The following C2orf76 variants were observed in gnomAD, a reference collection of about 807,000 sequenced individuals.
The protein encoded by C2orf76 is UPF0538 protein C2orf76.
A neutral mutation model predicts 16.9 loss-of-function variants in C2orf76; 23 were observed. The ratio of observed to expected loss-of-function variants is 1.36; its 90% CI spans 0.98 to 1.93. C2orf76 has a LOEUF of 1.93. C2orf76 is among the 30% of genes most tolerant of loss of function. The pLI, the probability that C2orf76 is intolerant of heterozygous loss-of-function variation, is 0.00. For synonymous variants in C2orf76, 48 were observed against 52.3 expected (o/e 0.92, Z 0.35); for missense variants, 152 against 152.6 (o/e 1.00, Z 0.02).
intron 1 of C2orf76, among the ~76,000 whole-genome samples, chr2:119,355,018 C>A (rs1445448682): frequency 6.6e-6 from 1 of 152,162 alleles, no homozygotes; most frequent in Non-Finnish European, 1.5e-5. Context: ...ATTCCTCAGA[C>A]CTGCCATTAT....
chr2:119,366,961 T>C, upstream of C2orf76: 2 of 1,567,210 alleles, frequency 1.3e-6, 1 homozygote, highest in South Asian at 2.2e-5. Flanking sequence ...GGACCGCGCC[T>C]CTAAAGGCGC....
chr2:119,364,132 AAGAG>A (rs1373764168), intron 1 of C2orf76, among the ~76,000 whole-genome samples: 1 of 151,976 alleles, frequency 6.6e-6, no homozygotes, highest in Non-Finnish European at 1.5e-5. Flanking sequence ...GAGGAGAGAG[AAGAG>A]AGAAAGAGAG....
In C2orf76 at chr2:119,311,832, G is replaced by A. The variant is rs562175568; in HGVS notation, c.223-129C>T. The A allele has an allele frequency of 5.7e-5, 48 of 836,762 alleles. 1 individual carries two copies. Among genetic ancestry groups the A allele is most frequent in the South Asian group, 2.3e-4 (13 of 55,664 alleles). 51.8% of individuals were successfully genotyped at this position (836,762 alleles called of 1,614,324 possible). ...CTAAGTAGATTCCACTGCCCTGGCC[G>A]TAATGAGGGCAGTGAACAGAGGCAC... On this transcript the variant is annotated intron_variant, in intron 4 of 5. Coordinates refer to ENST00000334816, the MANE Select transcript of C2orf76 (RefSeq NM_001322331.2).
the C2orf76 span, among the ~76,000 whole-genome samples, chr2:119,283,399 CT>C: frequency 2.6e-5 from 4 of 152,236 alleles, no homozygotes; most frequent in African/African-American, 2.4e-5. Context: ...CTCCTCCTTC[CT>C]GCTTTGCCTT....
downstream of C2orf76, among the ~76,000 whole-genome samples, chr2:119,297,530 A>G (rs1213201294): frequency 6.6e-6 from 1 of 152,182 alleles, no homozygotes; most frequent in Non-Finnish European, 1.5e-5. Context: ...GTTTTGAGAC[A>G]AGGTCTGGCT....
intron 1 of C2orf76, among the ~76,000 whole-genome samples, chr2:119,342,719 T>C (rs1018171115): frequency 3.2e-4 from 48 of 152,296 alleles, no homozygotes; most frequent in Non-Finnish European, 4.4e-4. Flanking sequence ...ATTAGTAACA[T>C]TTTATATCTT....
chr2:119,367,009 GCCT>G, upstream of C2orf76: 3 of 1,613,488 alleles, frequency 1.9e-6, no homozygotes, highest in Admixed American at 1.7e-5. Flanking sequence ...CCTGGTCCTC[GCCT>G]CCTCCGCTGT....
At chr2:119,350,368 GA>G (rs1366098085) in intron 1 of C2orf76, among the ~76,000 whole-genome samples, 15 of 152,240 alleles carry the variant, frequency 9.9e-5, no homozygotes, top group African/African-American at 3.6e-4. Context: ...GTGGTGCTTT[GA>G]AAAGTAAGAG....
intron 2 of C2orf76, among the ~76,000 whole-genome samples, chr2:119,329,324 T>C (rs1039915984): frequency 6.6e-6 from 1 of 152,224 alleles, no homozygotes; most frequent in African/African-American, 2.4e-5. Context: ...CTGATACTAA[T>C]ACAGTCCCTC....
the C2orf76 span, among the ~76,000 whole-genome samples, chr2:119,286,608 T>A: frequency 6.6e-6 from 1 of 151,746 alleles, no homozygotes; most frequent in Non-Finnish European, 1.5e-5. Context: ...CATGCCAGAG[T>A]GTGCTCGTGA....
chr2:119,322,591 C>G (rs1558782822), intron 2 of C2orf76, among the ~76,000 whole-genome samples: 1 of 152,140 alleles, frequency 6.6e-6, no homozygotes, highest in Non-Finnish European at 1.5e-5. Flanking sequence ...CAGCATTGCT[C>G]ACAGCAGCAA....
At chr2:119,325,002 G>A (rs1452189861) in intron 2 of C2orf76, among the ~76,000 whole-genome samples, 2 of 152,100 alleles carry the variant, frequency 1.3e-5, no homozygotes, top group Non-Finnish European at 2.9e-5. Flanking sequence ...ACCTAGAAGT[G>A]GAATGGCTGG....
intron 2 of C2orf76, among the ~76,000 whole-genome samples, chr2:119,329,923 T>C (rs924448539): frequency 6.6e-6 from 1 of 152,222 alleles, no homozygotes; most frequent in African/African-American, 2.4e-5. Flanking sequence ...TCTATTTCTC[T>C]GTGTGCATCC....
chr2:119,290,065 A>G, the C2orf76 span, among the ~76,000 whole-genome samples: 1 of 151,958 alleles, frequency 6.6e-6, no homozygotes, highest in Admixed American at 6.6e-5. Flanking sequence ...GAAGAGGGAC[A>G]TTCCCTCTGC....
chr2:119,331,170 C>A (rs1679666573), intron 2 of C2orf76, among the ~76,000 whole-genome samples: 1 of 152,054 alleles, frequency 6.6e-6, no homozygotes. Flanking sequence ...CTTGAGCTTT[C>A]TTCTGCAACA....
intron 2 of C2orf76, among the ~76,000 whole-genome samples, chr2:119,330,238 G>A (rs57880697): frequency 0.024 from 3,631 of 151,962 alleles, 118 homozygotes; most frequent in African/African-American, 0.082. Context: ...TTAGCTGGGC[G>A]TGGTGGCACA....
intron 1 of C2orf76, among the ~76,000 whole-genome samples, chr2:119,353,325 A>G (rs1358503542): frequency 6.6e-6 from 1 of 152,202 alleles, no homozygotes; most frequent in Non-Finnish European, 1.5e-5. Context: ...ATAACTTTAT[A>G]TTAATTTCAG....
chr2:119,358,577 CAAAAAAAAAAAA>C (rs58374459), intron 1 of C2orf76, among the ~76,000 whole-genome samples: 1 of 88,350 alleles, frequency 1.1e-5, no homozygotes, highest in Non-Finnish European at 2.2e-5. Flanking sequence ...GACTCTGTCT[CAAAAAAAAAAAA>C]AAAAAAAAGG....
chr2:119,345,367 T>C (rs1468217987), intron 1 of C2orf76, among the ~76,000 whole-genome samples: 2 of 152,186 alleles, frequency 1.3e-5, no homozygotes, highest in African/African-American at 4.8e-5. Context: ...GGCAAGGATA[T>C]GGAGAAACAA....
Sources: gnomAD v4.1 joint callset for allele counts (sites outside exome capture counted in the v4.1 genomes callset) on GRCh38, gnomAD v4.1.1 for gene constraint, MANE v1.5 for transcripts, NCBI Gene and HGNC (gene_info 2026-07-23, HGNC 2026-07-21) for gene names.